Variants in RBL1 observed in about 807,000 individuals in gnomAD.
RBL1 encodes the protein RB transcriptional corepressor like 1.
A neutral mutation model predicts 123.0 loss-of-function variants in RBL1; 82 were observed. The ratio of observed to expected loss-of-function variants is 0.67; its 90% confidence interval spans 0.56 to 0.80. The LOEUF is 0.80. Ranked by LOEUF, RBL1 falls within the 30% of genes least tolerant of loss-of-function variation. RBL1 has a pLI of 0.00. For missense variants in RBL1, 1,171 were observed against 1,299.6 expected (o/e 0.90, Z 1.52); for synonymous variants, 405 against 441.3 (o/e 0.92, Z 1.03).
intron 1 of RBL1, among the ~76,000 whole-genome samples, chr20:37,094,449 T>A (rs1254161914): frequency 6.6e-6 from 1 of 152,192 alleles, no homozygotes; most frequent in Admixed American, 6.6e-5. Context: ...TAGGCACACA[T>A]ACAATCGACA....
chr20:37,019,057 T>G (rs533976624), intron 18 of RBL1, among the ~76,000 whole-genome samples: 2 of 152,204 alleles, frequency 1.3e-5, no homozygotes, highest in African/African-American at 4.8e-5. Flanking sequence ...TTCTTTTTTT[T>G]TTTAGAGACA....
At chr20:36,999,643 C>T (rs1198254240) in intron 21 of RBL1, among the ~76,000 whole-genome samples, 3 of 152,172 alleles carry the variant, frequency 2.0e-5, no homozygotes, top group Non-Finnish European at 2.9e-5. Context: ...AGGCACGCGC[C>T]GCCACGCCTG....
At chr20:37,059,528 A>G (rs573814366) in intron 9 of RBL1, among the ~76,000 whole-genome samples, 1 of 152,086 alleles carries the variant, frequency 6.6e-6, no homozygotes, top group South Asian at 2.1e-4. Flanking sequence ...TTCAATTGGG[A>G]AGGTTTGTAT....
chr20:37,082,122 G>A (rs367675266), intron 2 of RBL1: 34 of 423,544 alleles, frequency 8.0e-5, no homozygotes, highest in Non-Finnish European at 1.2e-4. Flanking sequence ...AAGGGACAAC[G>A]CAGGGGCCTA....
chr20:36,999,493 CCCACGGTCTCCCTCTCCCTCTCTTT>C (rs978370228), intron 21 of RBL1, among the ~76,000 whole-genome samples: 10 of 150,708 alleles, frequency 6.6e-5, no homozygotes, highest in South Asian at 2.1e-4. Flanking sequence ...TCTCCCTCTC[CCCACGGTCTCCCTCTCCCTCTCTTT>C]CCACGGTCTC....
intron 3 of RBL1, among the ~76,000 whole-genome samples, 197 bp downstream of exon 3, chr20:37,067,789 A>C (rs1176225128): frequency 6.0e-5 from 9 of 150,834 alleles, no homozygotes; most frequent in African/African-American, 7.3e-5. Context: ...AAAAAAAAAA[A>C]AACAACAACA....
chr20:37,046,299 GAAGTT>G (rs1461690609), intron 12 of RBL1, among the ~76,000 whole-genome samples: 1 of 152,160 alleles, frequency 6.6e-6, no homozygotes. Context: ...TGGAAAATTT[GAAGTT>G]AAGTACTAGT....
chr20:37,029,587 T>A (rs2064475358), intron 16 of RBL1, among the ~76,000 whole-genome samples: 1 of 152,154 alleles, frequency 6.6e-6, no homozygotes, highest in East Asian at 1.9e-4. Context: ...CGGGAATTCC[T>A]AGCTAGAGCA....
intron 11 of RBL1, among the ~76,000 whole-genome samples, chr20:37,055,121 T>C (rs1431895116): frequency 6.6e-6 from 1 of 152,114 alleles, no homozygotes; most frequent in Admixed American, 6.6e-5. Flanking sequence ...GGTCTGAATT[T>C]GTAGAAAAAT....
At chr20:37,038,793 G>T (rs1235168246) in intron 14 of RBL1, among the ~76,000 whole-genome samples, 1 of 151,098 alleles carries the variant, frequency 6.6e-6, no homozygotes, top group Non-Finnish European at 1.5e-5. Flanking sequence ...GGTAGAGATG[G>T]GGTTTCACCA....
At chr20:37,048,679 C>T (rs1011759325) in intron 11 of RBL1, among the ~76,000 whole-genome samples, 1 of 152,088 alleles carries the variant, frequency 6.6e-6, no homozygotes, top group African/African-American at 2.4e-5. Context: ...GAGCTTTGAA[C>T]ACGTTTTTAG....
chr20:37,032,654 A>C lies in RBL1; in HGVS notation c.2382+11T>G, dbSNP rs1428442231. The C allele has an allele frequency of 3.7e-6, 6 of 1,613,498 alleles. No homozygotes were observed. Among genetic ancestry groups the C allele is most frequent in the Non-Finnish European group, 4.2e-6 (5 of 1,179,788 alleles). ...AAACAAATTCTTCTAAAGTGCTATA[A>C]AAACACATACCTTTCTGTAAAATAG... On this transcript the variant is annotated intron_variant, in intron 16 of 21. Coordinates refer to ENST00000373664, the MANE Select transcript of RBL1 (RefSeq NM_002895.5).
At chr20:37,083,942 T>G (rs7360354) in intron 2 of RBL1, among the ~76,000 whole-genome samples, 2 of 151,112 alleles carry the variant, frequency 1.3e-5, no homozygotes, top group African/African-American at 4.9e-5. Flanking sequence ...TGGGTCTTGC[T>G]TTACCAGCCT....
intron 11 of RBL1, chr20:37,049,496 C>T (rs2064870639): frequency 1.3e-5 from 10 of 755,098 alleles, no homozygotes; most frequent in Admixed American, 3.4e-5. Context: ...AAGTCTTACA[C>T]CACTCCCAAG....
chr20:37,021,147 T>C (rs371628552), intron 17 of RBL1, among the ~76,000 whole-genome samples: 2 of 152,304 alleles, frequency 1.3e-5, no homozygotes. Flanking sequence ...TCAAACTGAG[T>C]GGCTATTACA....
In RBL1 at chr20:37,058,131, AAAACAAAAC is replaced by A. The variant is rs1389640742; in HGVS notation, c.1251-1882_1251-1874del. On this transcript the variant is annotated intron_variant, in intron 9 of 21. Transcript: ENST00000373664. ...AACTCTGTCTAAAAAAAAAAAAAAC[AAAACAAAAC>A]AAAAAAAAAAAAGCCTATTCCAGGG... Among the ~76,000 whole-genome samples, 50 of 138,950 alleles carry A rather than the reference AAAACAAAAC, an allele frequency of 3.6e-4. 3 individuals are homozygous for A. Among genetic ancestry groups the A allele is most frequent in the Non-Finnish European group, 5.2e-4 (34 of 65,898 alleles). The allele number at this position is 138,950 out of a possible 152,430, so 91.2% of individuals were successfully genotyped here.
At chr20:37,046,153 A>G (rs2064816210) in intron 12 of RBL1, among the ~76,000 whole-genome samples, 1 of 152,242 alleles carries the variant, frequency 6.6e-6, no homozygotes, top group Non-Finnish European at 1.5e-5. Context: ...GGGAAGAAGC[A>G]TAATCTATTA....
chr20:37,074,597 T>C (rs1434092297), intron 2 of RBL1, among the ~76,000 whole-genome samples: 2 of 152,052 alleles, frequency 1.3e-5, no homozygotes, highest in Non-Finnish European at 2.9e-5. Flanking sequence ...ACTGGAACCC[T>C]TGTAAACTCC....
chr20:37,039,280 C>T (rs949182484), intron 14 of RBL1, among the ~76,000 whole-genome samples: 10 of 152,070 alleles, frequency 6.6e-5, no homozygotes, highest in African/African-American at 1.4e-4. Context: ...AAATGTTTTT[C>T]TACAGAGACA....
Sources: gnomAD v4.1 joint callset for allele counts (sites outside exome capture counted in the v4.1 genomes callset) on GRCh38, gnomAD v4.1.1 for gene constraint, MANE v1.5 for transcripts, NCBI Gene and HGNC (gene_info 2026-07-23, HGNC 2026-07-21) for gene names.